PPA2: variants seen among roughly 807,000 people sequenced by gnomAD.
The protein encoded by PPA2 is inorganic pyrophosphatase 2, mitochondrial.
Under a neutral mutation model 49.5 loss-of-function variants are expected in PPA2, and 48 were observed. The observed-to-expected ratio is 0.97, with a 90% CI of 0.77 to 1.23. PPA2 has a LOEUF of 1.23. Among genes scored for constraint, PPA2 ranks in the 50% most tolerant of loss-of-function variants. PPA2 has a pLI of 0.00. For synonymous variants in PPA2, 131 were observed against 139.9 expected, an observed-to-expected ratio of 0.94 and a Z score of 0.45; for missense variants, 429 against 410.1, an observed-to-expected ratio of 1.05 and a Z score of -0.40.
chr4:105,405,538 C>T, intron 7 of PPA2: 1 of 931,628 alleles, frequency 1.1e-6, no homozygotes, highest in Non-Finnish European at 1.3e-6. Context: ...GAGTGAAGTA[C>T]TTATAAATAT....
chr4:105,425,159 C>T (rs934297064), intron 6 of PPA2, among the ~76,000 whole-genome samples: 2 of 152,162 alleles, frequency 1.3e-5, no homozygotes, highest in Non-Finnish European at 2.9e-5. Context: ...AAGACAACAA[C>T]ATCCAGGCAC....
intron 7 of PPA2, among the ~76,000 whole-genome samples, chr4:105,404,878 G>A (rs1161877030): frequency 2.0e-5 from 3 of 152,030 alleles, no homozygotes; most frequent in Non-Finnish European, 4.4e-5. Flanking sequence ...TCAGGAGATC[G>A]AGACCATCCT....
rs753142837 is a variant in PPA2, at chr4:105,474,016, G to A, written c.35C>T (p.Ala12Val). Residue 12 changes from alanine (A) to valine (V), a missense_variant, in exon 1 of 12, where the codon GCC (alanine) becomes GTC (valine). Physicochemically the swap from Ala to Val is moderately conservative, Grantham distance 64. Transcript: ENST00000341695. ...CAACCGCAGGCACGCAGCGGCTGGG[G>A]CACCCGTGCGCAGCAGCCGCAGCAG... ...SALLRLLRTG[A>V]PAAACLRLGT... is the part of the protein sequence containing the mutation. 1.5e-5 allele frequency: 24 copies of A among 1,600,422 alleles called. No homozygotes were observed. The Admixed American group carries it at 3.7e-4, about 25-fold the overall frequency.
At chr4:105,444,339 G>C (rs776576790) in intron 5 of PPA2, among the ~76,000 whole-genome samples, 3 of 152,148 alleles carry the variant, frequency 2.0e-5, no homozygotes, top group Non-Finnish European at 4.4e-5. Flanking sequence ...TAAGAATTTT[G>C]TATTTTATCT....
intron 2 of PPA2, chr4:105,456,447 C>A: frequency 2.1e-6 from 1 of 481,664 alleles, no homozygotes; most frequent in Admixed American, 3.5e-5. Flanking sequence ...TATTTCCTAC[C>A]GAATTCTAAG....
chr4:105,458,947 C>T (rs1722976221), intron 1 of PPA2, among the ~76,000 whole-genome samples: 1 of 149,274 alleles, frequency 6.7e-6, no homozygotes, highest in Admixed American at 6.7e-5. Flanking sequence ...GAATTAAGTT[C>T]TGGAGTTTTT....
At chr4:105,452,863 GATATATTTAGAATAT>G (rs953977365) in intron 3 of PPA2, among the ~76,000 whole-genome samples, 8 of 151,824 alleles carry the variant, frequency 5.3e-5, no homozygotes, top group Non-Finnish European at 1.2e-4. Flanking sequence ...TATTTGTTTA[GATATATTTAGAATAT>G]ATATATTTAG....
intron 7 of PPA2, among the ~76,000 whole-genome samples, chr4:105,413,595 G>T (rs1722864222): frequency 6.6e-6 from 1 of 152,172 alleles, no homozygotes; most frequent in African/African-American, 2.4e-5. Flanking sequence ...GCTGGCACAG[G>T]ATTCTATCAC....
At chr4:105,374,378 T>C (rs373780623) in intron 10 of PPA2, among the ~76,000 whole-genome samples, 3 of 152,200 alleles carry the variant, frequency 2.0e-5, no homozygotes, top group African/African-American at 7.2e-5. Context: ...CCCGGCAACA[T>C]AGTGAGACTG....
At position 105,426,547 on chromosome 4, in the gene PPA2, C is replaced by T. The variant is rs546345250; in HGVS notation, c.529-2225G>A. 5.3e-5 allele frequency among the ~76,000 whole-genome samples: 8 copies of T among 152,362 alleles called. No homozygotes were observed. The South Asian group carries it at 1.0e-3, about 20-fold the overall frequency. ...AGGAGATCCCCTCCCGTGCCTGGCT[C>T]GGCGGGTCCCATGCCCACAGAGCCT... is the stretch of plus-strand genomic sequence containing the variant. On this transcript the variant is annotated intron_variant, in intron 6 of 11. Transcript: ENST00000341695.
At chr4:105,473,118 C>A (rs1292643771) in intron 1 of PPA2, among the ~76,000 whole-genome samples, 2 of 152,286 alleles carry the variant, frequency 1.3e-5, no homozygotes, top group South Asian at 4.1e-4. Context: ...CGACCGACAT[C>A]GCTATTTTCT....
rs148626010 is a variant in PPA2 at position 105,389,915 on chromosome 4, A to C, written c.870-3279T>G. Among the ~76,000 whole-genome samples, 23 of 152,322 alleles carry C rather than the reference A, an allele frequency of 1.5e-4. No homozygotes were observed. In the East Asian group the frequency reaches 4.2e-3, roughly 28 times the overall value. ...CCTTGGAATAAATGTACACAAAGCC[A>C]AAACAACTGAGGCTATCAATACATA... On this transcript the variant is annotated intron_variant, in intron 9 of 11. Transcript: ENST00000341695.
chr4:105,376,199 C>T (rs550877544), intron 10 of PPA2, among the ~76,000 whole-genome samples: 3 of 152,314 alleles, frequency 2.0e-5, no homozygotes, highest in Non-Finnish European at 4.4e-5. Flanking sequence ...TAGATGGCCA[C>T]ACTACATGCT....
chr4:105,408,321 AGT>A (rs1491312217), intron 7 of PPA2, among the ~76,000 whole-genome samples: 7 of 152,228 alleles, frequency 4.6e-5, no homozygotes, highest in African/African-American at 1.4e-4. Flanking sequence ...TTGGATAAAC[AGT>A]GTGCATGGCT....
intron 9 of PPA2, among the ~76,000 whole-genome samples, chr4:105,395,655 T>C (rs1408314839): frequency 1.6e-5 from 1 of 63,454 alleles, no homozygotes; most frequent in African/African-American, 3.2e-5. Context: ...ATTTAAATGA[T>C]TTTTTTAAAA....
chr4:105,446,843 C>T (rs1162595197), intron 4 of PPA2, among the ~76,000 whole-genome samples: 1 of 152,012 alleles, frequency 6.6e-6, no homozygotes, highest in Non-Finnish European at 1.5e-5. Context: ...TTATTATCAT[C>T]AATATTATGA....
At position 105,370,881 on chromosome 4, in the gene PPA2, T is replaced by A; in HGVS notation, c.940-8A>T. 6.8e-7 allele frequency: 1 copy of A among 1,471,438 alleles called. No homozygotes were observed. Among genetic ancestry groups the A allele is most frequent in the East Asian group, 2.6e-5 (1 of 38,958 alleles). 91.1% of individuals were successfully genotyped at this position (1,471,438 alleles called of 1,614,324 possible). A position where few individuals can be genotyped will look rare whatever the true frequency, so the allele number is the denominator to read the frequency against. ...ATTTGGTGAAGATGATACCTGGAAA[T>A]AAAAACAGAGAAAGAATCTCTGTTA... On this transcript the variant is annotated splice_polypyrimidine_tract_variant and splice_region_variant and intron_variant, in intron 10 of 11. Coordinates refer to ENST00000341695, the MANE Select transcript of PPA2 (RefSeq NM_176869.3).
intron 10 of PPA2, among the ~76,000 whole-genome samples, chr4:105,380,283 T>C (rs1733435678): frequency 6.6e-6 from 1 of 152,204 alleles, no homozygotes; most frequent in Non-Finnish European, 1.5e-5. Flanking sequence ...TTTATTGATA[T>C]AAAATATGTT....
chr4:105,396,311 T>C lies in PPA2; in HGVS notation c.807A>G (p.Lys269=). Residue 269 remains lysine (K), a synonymous_variant, in exon 9 of 12, where the codon AAA becomes AAG. Coordinates refer to ENST00000341695, the MANE Select transcript of PPA2 (RefSeq NM_176869.3). ...ATGCTTTCCAACATTGATGAGTGGA[T>C]TTAATAACTTCAAGAGCAAAAGCCT... ...KNKAFALEVI[K]STHQCWKALL... The C allele has an allele frequency of 6.3e-7, 1 of 1,598,154 alleles. No individual in the cohort carries two copies. The highest frequency in any genetic ancestry group is 8.5e-7 in the Non-Finnish European group (1 of 1,173,060).
Sources: gnomAD v4.1 joint callset for allele counts (sites outside exome capture counted in the v4.1 genomes callset) on GRCh38, gnomAD v4.1.1 for gene constraint, MANE v1.5 for transcripts, NCBI Gene and HGNC (gene_info 2026-07-23, HGNC 2026-07-21) for gene names.